TICAM2: variants seen among roughly 807,000 people sequenced by gnomAD.
The protein encoded by TICAM2 is TIR domain containing adaptor molecule 2.
TICAM2 carries 8 observed loss-of-function variants against 7.3 expected under a neutral mutation model. That is an observed-to-expected ratio of 1.10 (90% CI 0.65 to 1.99). The LOEUF (loss-of-function observed/expected upper bound fraction) is 1.99, where lower values mean the gene tolerates loss of function less well. TICAM2 is among the 30% of genes most tolerant of loss of function. TICAM2 has a pLI of 0.00. For missense variants in TICAM2, 304 were observed against 278.8 expected, an observed-to-expected ratio of 1.09 and a Z score of -0.65; for synonymous variants, 113 against 99.6, an observed-to-expected ratio of 1.13 and a Z score of -0.80.
intron 1 of TICAM2, among the ~76,000 whole-genome samples, chr5:115,589,190 C>T (rs987515182): frequency 6.6e-6 from 1 of 152,134 alleles, no homozygotes; most frequent in Non-Finnish European, 1.5e-5. Context: ...GCAACAGAAA[C>T]CATATGGCCC....
chr5:115,591,997 G>C (rs1481271568), intron 1 of TICAM2, among the ~76,000 whole-genome samples: 4 of 152,096 alleles, frequency 2.6e-5, no homozygotes, highest in Non-Finnish European at 5.9e-5. Flanking sequence ...CAGTAAAACT[G>C]CTAAGAGCCA....
rs1001351101 is a variant in TICAM2, at chr5:115,579,117, T to A, written c.*1432A>T. The A allele has an allele frequency of 2.6e-5, 4 of 152,678 alleles. No individual in the cohort carries two copies. The highest frequency in any genetic ancestry group is 7.2e-5 in the African/African-American group (3 of 41,462). The allele number at this position is 152,678 out of a possible 1,614,324, so 9.5% of individuals were successfully genotyped here. A position where few individuals can be genotyped will look rare whatever the true frequency, so the allele number is the denominator to read the frequency against. The stretch of plus-strand genomic sequence containing the variant: ...AAGCCTGAGTAAGCATGTATATTTT[T>A]TTCCTGTGACTTTAAGTGTAATGAC... On this transcript the variant is annotated 3_prime_UTR_variant, in exon 2 of 2. Transcript: ENST00000427199.
At chr5:115,583,210 T>C (rs1754991314) in intron 1 of TICAM2, among the ~76,000 whole-genome samples, 1 of 152,128 alleles carries the variant, frequency 6.6e-6, no homozygotes, top group Non-Finnish European at 1.5e-5. Flanking sequence ...GAGAAAACAA[T>C]AGTTAAACCA....
intron 1 of TICAM2, among the ~76,000 whole-genome samples, chr5:115,596,836 G>A (rs1340803600): frequency 2.0e-5 from 3 of 152,074 alleles, no homozygotes; most frequent in Admixed American, 6.5e-5. Context: ...GGAGAATGGC[G>A]TGAACCTAGG....
intron 1 of TICAM2, among the ~76,000 whole-genome samples, chr5:115,587,282 T>C (rs1038668790): frequency 6.6e-6 from 1 of 152,208 alleles, no homozygotes; most frequent in Non-Finnish European, 1.5e-5. Flanking sequence ...CAGGTTAAAA[T>C]AGTCCTAAAA....
At position 115,581,323 on chromosome 5, in the gene TICAM2, A is replaced by C; in HGVS notation, c.-59-8T>G. On this transcript the variant is annotated splice_polypyrimidine_tract_variant and splice_region_variant and intron_variant, in intron 1 of 1. Coordinates refer to ENST00000427199, the MANE Select transcript of TICAM2 (RefSeq NM_021649.7). Reference sequence around the variant, plus strand: ...TCAGCATTTCTTTTCAATCTAAAAGAAGTAACAAAACAGAAGAATATTATA... The same window carrying C: ...TCAGCATTTCTTTTCAATCTAAAAGCAGTAACAAAACAGAAGAATATTATA... The C allele has an allele frequency of 3.1e-6, 5 of 1,591,128 alleles. No homozygotes were observed. The highest frequency in any genetic ancestry group is 4.3e-6 in the Non-Finnish European group (5 of 1,175,604).
chr5:115,594,833 A>T (rs1310240507), intron 1 of TICAM2, among the ~76,000 whole-genome samples: 1 of 152,214 alleles, frequency 6.6e-6, no homozygotes, highest in Admixed American at 6.5e-5. Flanking sequence ...AGGAGGACTG[A>T]CTTACAATTG....
intron 1 of TICAM2, among the ~76,000 whole-genome samples, chr5:115,584,742 G>C (rs1487203741): frequency 6.6e-6 from 1 of 152,134 alleles, no homozygotes; most frequent in African/African-American, 2.4e-5. Context: ...TCAGGCAACA[G>C]AAATGTGAAG....
chr5:115,587,076 T>A (rs1031591332), intron 1 of TICAM2, among the ~76,000 whole-genome samples: 26 of 152,072 alleles, frequency 1.7e-4, no homozygotes, highest in African/African-American at 6.3e-4. Context: ...CACCGGACAT[T>A]TATGGCTCAA....
At chr5:115,601,119 T>C (rs749414970) in intron 1 of TICAM2, among the ~76,000 whole-genome samples, 5 of 151,758 alleles carry the variant, frequency 3.3e-5, no homozygotes, top group Non-Finnish European at 7.4e-5. Context: ...GTGGAGTTGC[T>C]TAACTCCATT....
rs256965 is a variant in TICAM2 at position 115,602,270 on chromosome 5, G to C, written c.-233C>G. 0.37 allele frequency: 56,126 copies of C among 152,496 alleles called. 10,760 individuals are homozygous for C. Among genetic ancestry groups the C allele is most frequent in the Non-Finnish European group, 0.42 (28,505 of 68,316 alleles). The allele number at this position is 152,496 out of a possible 1,614,324, so 9.4% of individuals were successfully genotyped here. ...ACCACAGCAGCCTGCTCCCCACCGC[G>C]CTTGCAGAGCCCGGACGCGCGTGAG... On this transcript the variant is annotated 5_prime_UTR_variant, in exon 1 of 2. Coordinates refer to ENST00000427199, the MANE Select transcript of TICAM2 (RefSeq NM_021649.7).
intron 1 of TICAM2, among the ~76,000 whole-genome samples, chr5:115,588,218 G>A (rs1220597254): frequency 6.6e-6 from 1 of 152,202 alleles, no homozygotes; most frequent in Non-Finnish European, 1.5e-5. Context: ...TAAAGAGGGT[G>A]AAATATACGT....
At chr5:115,595,764 C>T (rs908536473) in intron 1 of TICAM2, among the ~76,000 whole-genome samples, 1 of 152,140 alleles carries the variant, frequency 6.6e-6, no homozygotes, top group African/African-American at 2.4e-5. Flanking sequence ...TACGGTTTTC[C>T]CAAATGTCAT....
At chr5:115,589,320 C>T (rs988172662) in intron 1 of TICAM2, among the ~76,000 whole-genome samples, 4 of 152,192 alleles carry the variant, frequency 2.6e-5, no homozygotes, top group African/African-American at 7.2e-5. Context: ...AACAGATCCA[C>T]GCCAGCCAGA....
At chr5:115,588,382 A>C (rs1755187654) in intron 1 of TICAM2, among the ~76,000 whole-genome samples, 1 of 152,224 alleles carries the variant, frequency 6.6e-6, no homozygotes, top group South Asian at 2.1e-4. Flanking sequence ...TACAGATGAT[A>C]AAGTGACCTA....
chr5:115,589,529 C>T (rs1427376411), intron 1 of TICAM2, among the ~76,000 whole-genome samples: 10 of 152,168 alleles, frequency 6.6e-5, no homozygotes, highest in Non-Finnish European at 1.5e-4. Context: ...ATAAGGATGG[C>T]AAAGGCCCAG....
At chr5:115,599,378 T>C (rs1010571669) in intron 1 of TICAM2, among the ~76,000 whole-genome samples, 2 of 152,098 alleles carry the variant, frequency 1.3e-5, no homozygotes, top group African/African-American at 4.8e-5. Context: ...TATCTAAAAA[T>C]GAAAACTGAT....
At chr5:115,600,316 A>G (rs930476139) in intron 1 of TICAM2, among the ~76,000 whole-genome samples, 1 of 152,236 alleles carries the variant, frequency 6.6e-6, no homozygotes, top group Non-Finnish European at 1.5e-5. Context: ...ACAGCTGGAC[A>G]TACACATACA....
intron 1 of TICAM2, among the ~76,000 whole-genome samples, chr5:115,592,716 T>A (rs1384392169): frequency 1.3e-5 from 2 of 151,988 alleles, no homozygotes; most frequent in Non-Finnish European, 2.9e-5. Context: ...TATAGATCAG[T>A]CTAACTCATG....
Sources: allele counts gnomAD v4.1 joint callset (sites outside exome capture counted in the v4.1 genomes callset), GRCh38; gene constraint gnomAD v4.1.1; transcripts MANE v1.5; gene names NCBI Gene and HGNC (gene_info 2026-07-23, HGNC 2026-07-21).